Variants in TEX9 observed in about 807,000 individuals in gnomAD.
TEX9 encodes testis expressed 9.
A neutral mutation model predicts 59.6 loss-of-function variants in TEX9; 74 were observed. The observed-to-expected ratio is 1.24, with a 90% confidence interval of 1.03 to 1.51. The LOEUF is 1.51. Ranked by LOEUF, TEX9 falls within the 40% of genes most tolerant of loss-of-function variation. TEX9 has a pLI of 0.00. For missense variants in TEX9, 522 were observed against 447.8 expected (o/e 1.17, Z -1.49); for synonymous variants, 186 against 152.2 (o/e 1.22, Z -1.64).
chr15:56,363,692 G>A (rs1417556410), upstream of TEX9, among the ~76,000 whole-genome samples: 1 of 150,488 alleles, frequency 6.6e-6, no homozygotes, highest in African/African-American at 2.4e-5. Context: ...TTGAGACAGG[G>A]TCTCACTCTG....
chr15:56,436,086 C>G (rs1365892778), intron 12 of TEX9, among the ~76,000 whole-genome samples: 9 of 152,120 alleles, frequency 5.9e-5, no homozygotes, highest in Admixed American at 5.9e-4. Flanking sequence ...GAATTGAACT[C>G]AGTTCTGCAC....
intron 1 of TEX9, among the ~76,000 whole-genome samples, chr15:56,287,580 A>G (rs2044983380): frequency 6.6e-6 from 1 of 152,246 alleles, no homozygotes; most frequent in Middle Eastern, 3.4e-3. Flanking sequence ...TATACAATAT[A>G]TTGTTATTAA....
At chr15:56,421,487 G>GT (rs2049974202) in intron 10 of TEX9, 1 of 151,834 alleles carries the variant, frequency 6.6e-6, no homozygotes, top group South Asian at 2.1e-4. Context: ...TACTCAACCT[G>GT]TATTACCTTT....
chr15:56,318,473 T>G (rs779948243), intron 1 of TEX9, among the ~76,000 whole-genome samples: 10 of 152,148 alleles, frequency 6.6e-5, no homozygotes, highest in Non-Finnish European at 1.3e-4. Context: ...GGCCTTTTGA[T>G]TGGAGTGGTT....
intron 10 of TEX9, among the ~76,000 whole-genome samples, chr15:56,420,736 A>AT (rs1212192825): frequency 4.0e-5 from 6 of 151,628 alleles, no homozygotes; most frequent in South Asian, 4.2e-4. Context: ...ACCAAATTTG[A>AT]TTTTTTGTAT....
intron 10 of TEX9, among the ~76,000 whole-genome samples, chr15:56,426,172 TC>T (rs2050232545): frequency 6.6e-6 from 1 of 152,036 alleles, no homozygotes; most frequent in African/African-American, 2.4e-5. Context: ...ATGCAGCTGT[TC>T]CCATCAGTAC....
At chr15:56,431,389 A>AG (rs2050591628) in intron 12 of TEX9, 1 of 1,612,232 alleles carries the variant, frequency 6.2e-7, no homozygotes, top group African/African-American at 1.3e-5. Context: ...GAGATAGCCT[A>AG]GTAAGTTTGT....
At chr15:56,320,834 G>A (rs1253170944) in intron 1 of TEX9, among the ~76,000 whole-genome samples, 1 of 152,130 alleles carries the variant, frequency 6.6e-6, no homozygotes, top group Non-Finnish European at 1.5e-5. Context: ...TAATACTAAA[G>A]GGCTCCTTTG....
At chr15:56,296,717 G>T (rs1159749683) in intron 1 of TEX9, among the ~76,000 whole-genome samples, 1 of 152,180 alleles carries the variant, frequency 6.6e-6, no homozygotes, top group East Asian at 1.9e-4. Context: ...CCTTAAATTT[G>T]AATATAGGTG....
intron 9 of TEX9, among the ~76,000 whole-genome samples, chr15:56,411,021 G>A (rs1213215154): frequency 6.6e-6 from 1 of 152,052 alleles, no homozygotes; most frequent in African/African-American, 2.4e-5. Context: ...TCAGAGCCAG[G>A]GAGACCAGTT....
chr15:56,340,110 C>T (rs910357017), intron 1 of TEX9, among the ~76,000 whole-genome samples: 2 of 152,130 alleles, frequency 1.3e-5, no homozygotes, highest in African/African-American at 4.8e-5. Context: ...GCCATTCCCC[C>T]TAGAAGCAGC....
chr15:56,271,623 T>A (rs1404293943), intron 1 of TEX9, among the ~76,000 whole-genome samples: 1 of 152,146 alleles, frequency 6.6e-6, no homozygotes, highest in East Asian at 1.9e-4. Context: ...TCCCAGGAAA[T>A]GTTCCTATAT....
chr15:56,279,512 C>A (rs1007890357), intron 1 of TEX9, among the ~76,000 whole-genome samples: 11 of 152,060 alleles, frequency 7.2e-5, no homozygotes, highest in Non-Finnish European at 1.5e-4. Context: ...AATGAGTTTG[C>A]TAATAGATAG....
chr15:56,402,654 T>C (rs2048854769), intron 9 of TEX9, among the ~76,000 whole-genome samples: 1 of 152,234 alleles, frequency 6.6e-6, no homozygotes, highest in Non-Finnish European at 1.5e-5. Context: ...AACATCATCC[T>C]GATACCAAAG....
chr15:56,288,856 C>G (rs553749711), intron 1 of TEX9, among the ~76,000 whole-genome samples: 1 of 152,232 alleles, frequency 6.6e-6, no homozygotes, highest in South Asian at 2.1e-4. Context: ...CATCTTAACT[C>G]CTATAACTCT....
intron 10 of TEX9, among the ~76,000 whole-genome samples, chr15:56,423,450 CTT>C (rs1482518027): frequency 6.6e-6 from 1 of 152,080 alleles, no homozygotes; most frequent in African/African-American, 2.4e-5. Context: ...CTTTGTATGA[CTT>C]ATAAAATGTG....
At chr15:56,428,200 G>A (rs2050411079) in intron 11 of TEX9, among the ~76,000 whole-genome samples, 167 bp from the exon 12 acceptor site, 1 of 151,854 alleles carries the variant, frequency 6.6e-6, no homozygotes, top group African/African-American at 2.4e-5. Flanking sequence ...TACTACTGTT[G>A]GACAATACCA....
At chr15:56,257,447 C>T (rs2044168959) in intron 1 of TEX9, among the ~76,000 whole-genome samples, 1 of 152,128 alleles carries the variant, frequency 6.6e-6, no homozygotes, top group South Asian at 2.1e-4. Context: ...ACAACCTCAC[C>T]AGCATCTGTT....
chr15:56,255,661 G>A (rs1161968101), intron 1 of TEX9, among the ~76,000 whole-genome samples: 1 of 152,018 alleles, frequency 6.6e-6, no homozygotes, highest in Non-Finnish European at 1.5e-5. Context: ...ATAGAATTCT[G>A]TAAGAAGCTC....
Sources: allele counts gnomAD v4.1 joint callset (sites outside exome capture counted in the v4.1 genomes callset), GRCh38; gene constraint gnomAD v4.1.1; transcripts MANE v1.5; gene names NCBI Gene and HGNC (gene_info 2026-07-23, HGNC 2026-07-21).